Variants in VPS13B observed in about 807,000 individuals in gnomAD.
The protein encoded by VPS13B is intermembrane lipid transfer protein VPS13B.
A neutral mutation model predicts 426.4 loss-of-function variants in VPS13B; 285 were observed. That is an observed-to-expected ratio of 0.67 (90% CI 0.61 to 0.74). VPS13B has a LOEUF of 0.74. Among genes scored for constraint, VPS13B ranks in the 30% least tolerant of loss-of-function variants. The pLI is 0.00. For missense variants in VPS13B, 4,537 were observed against 4,782.6 expected, an observed-to-expected ratio of 0.95 and a Z score of 1.51; for synonymous variants, 1,676 against 1,676.4, an observed-to-expected ratio of 1.00 and a Z score of 0.01.
intron 35 of VPS13B, among the ~76,000 whole-genome samples, chr8:99,692,159 C>A (rs967718643): frequency 6.9e-6 from 1 of 145,254 alleles, no homozygotes; most frequent in Non-Finnish European, 1.5e-5. Context: ...ACAAGGATAC[C>A]CAGGAATTGA....
At chr8:99,628,954 G>A (rs1032346085) in intron 33 of VPS13B, among the ~76,000 whole-genome samples, 1 of 151,836 alleles carries the variant, frequency 6.6e-6, no homozygotes, top group Non-Finnish European at 1.5e-5. Flanking sequence ...TTGTAGTGAC[G>A]GGATCATGCT....
chr8:99,790,777 G>A (rs1251266857), intron 43 of VPS13B, among the ~76,000 whole-genome samples: 1 of 152,170 alleles, frequency 6.6e-6, no homozygotes, highest in Non-Finnish European at 1.5e-5. Flanking sequence ...AGTGAAGTGA[G>A]GGTGGAGGCG....
At chr8:99,204,466 T>G (rs1230148865) in intron 17 of VPS13B, among the ~76,000 whole-genome samples, 2 of 152,092 alleles carry the variant, frequency 1.3e-5, no homozygotes, top group African/African-American at 4.8e-5. Context: ...CTTTGTGACT[T>G]AAACACCAAA....
chr8:99,317,601 CCTT>C (rs1563665432), intron 19 of VPS13B, among the ~76,000 whole-genome samples: 1 of 152,054 alleles, frequency 6.6e-6, no homozygotes, highest in Non-Finnish European at 1.5e-5. Flanking sequence ...GGTAACCATT[CCTT>C]CTTCTCAGTC....
intron 25 of VPS13B, among the ~76,000 whole-genome samples, chr8:99,492,148 A>G (rs1427145702): frequency 6.6e-6 from 1 of 152,184 alleles, no homozygotes; most frequent in Non-Finnish European, 1.5e-5. Context: ...TGGAATTTAC[A>G]GGAGTTCTAC....
chr8:99,518,120 T>C (rs1822185497), intron 29 of VPS13B, among the ~76,000 whole-genome samples: 1 of 152,144 alleles, frequency 6.6e-6, no homozygotes, highest in Admixed American at 6.5e-5. Context: ...TGGCTTTGTA[T>C]GTAACACCAA....
Position 99,842,319 on chromosome 8 carries a change from T to C in VPS13B, c.9943-6457T>C, listed in dbSNP as rs112832620. On this transcript the variant is annotated intron_variant, in intron 54 of 61. Transcript: ENST00000357162. The stretch of plus-strand genomic sequence containing the variant: ...TATCTGCAACTTAAATGTTCAAAAG[T>C]AGGGAGACTAGGTGCAATGGCTTAT... 1.6e-3 allele frequency among the ~76,000 whole-genome samples: 242 copies of C among 152,100 alleles called. 3 individuals carry two copies. Among genetic ancestry groups the C allele is most frequent in the African/African-American group, 5.7e-3 (236 of 41,496 alleles).
At chr8:99,065,060 A>G (rs1844408973) in intron 3 of VPS13B, among the ~76,000 whole-genome samples, 1 of 152,214 alleles carries the variant, frequency 6.6e-6, no homozygotes, top group Non-Finnish European at 1.5e-5. Context: ...GCAAATGCTG[A>G]GAGATTTTGT....
At chr8:99,364,576 A>G (rs1034299850) in intron 19 of VPS13B, among the ~76,000 whole-genome samples, 4 of 151,952 alleles carry the variant, frequency 2.6e-5, no homozygotes, top group Non-Finnish European at 5.9e-5. Flanking sequence ...GGGACTACAG[A>G]CATGTGCTAC....
intron 25 of VPS13B, among the ~76,000 whole-genome samples, chr8:99,492,160 C>G (rs554430903): frequency 1.3e-5 from 2 of 152,278 alleles, no homozygotes; most frequent in Admixed American, 1.3e-4. Context: ...GAGTTCTACT[C>G]CAGACCCTGT....
chr8:99,231,592 A>G (rs1816325688), intron 17 of VPS13B, among the ~76,000 whole-genome samples: 1 of 152,208 alleles, frequency 6.6e-6, no homozygotes, highest in Non-Finnish European at 1.5e-5. Context: ...TTGTTGCACA[A>G]TTGGACTCTC....
In VPS13B at chr8:99,817,746, C is replaced by T. The variant is rs1464962948; in HGVS notation, c.8304C>T (p.Asp2768=). 1.2e-6 allele frequency: 2 copies of T among 1,614,060 alleles called. No homozygotes were observed. Among genetic ancestry groups the T allele is most frequent in the East Asian group, 2.2e-5 (1 of 44,850 alleles). Residue 2768 remains aspartate, a synonymous_variant, in exon 45 of 62, where the codon GAC becomes GAT. Coordinates refer to ENST00000357162, the MANE Select transcript of VPS13B (RefSeq NM_152564.5). ...GTGTGAAGGCCAAAGGAGATGAAGA[C>T]TGGTCAAGAGATGTGTGCCTGGAAT... is the stretch of plus-strand genomic sequence containing the variant. ...ELCVKAKGDE[D]WSRDVCLESK...
chr8:99,647,507 A>G (rs1476813384), intron 34 of VPS13B, among the ~76,000 whole-genome samples: 1 of 147,692 alleles, frequency 6.8e-6, no homozygotes, highest in Admixed American at 6.8e-5. Flanking sequence ...TGAACCTGGG[A>G]GGCAGAGGTT....
At chr8:99,577,431 A>C (rs1463402181) in intron 32 of VPS13B, 59 bp from the exon 33 acceptor site, 1 of 1,607,710 alleles carries the variant, frequency 6.2e-7, no homozygotes, top group African/African-American at 1.3e-5. Flanking sequence ...TAAGAATGAT[A>C]AATTATCATC....
chr8:99,297,834 A>G (rs1293232776), intron 19 of VPS13B, among the ~76,000 whole-genome samples: 1 of 152,172 alleles, frequency 6.6e-6, no homozygotes, highest in East Asian at 1.9e-4. Flanking sequence ...ATGCCACTAA[A>G]TACAGTTTTT....
At chr8:99,185,575 G>T (rs779301995) in intron 16 of VPS13B, among the ~76,000 whole-genome samples, 10 of 152,078 alleles carry the variant, frequency 6.6e-5, no homozygotes, top group Non-Finnish European at 1.3e-4. Flanking sequence ...CCAGTTTGTA[G>T]GTTCAAACTT....
At chr8:99,245,327 A>G (rs539756315) in intron 17 of VPS13B, among the ~76,000 whole-genome samples, 19 of 152,306 alleles carry the variant, frequency 1.2e-4, no homozygotes, top group African/African-American at 3.6e-4. Flanking sequence ...TAAAGCTTCA[A>G]TAAACTTTAG....
At chr8:99,595,659 G>T (rs995647093) in intron 33 of VPS13B, among the ~76,000 whole-genome samples, 4 of 151,780 alleles carry the variant, frequency 2.6e-5, no homozygotes, top group African/African-American at 9.7e-5. Flanking sequence ...ATGCTTCAAA[G>T]GACATCACCC....
chr8:99,798,178 G>A (rs975775134), intron 43 of VPS13B, among the ~76,000 whole-genome samples: 3 of 147,824 alleles, frequency 2.0e-5, no homozygotes, highest in African/African-American at 5.0e-5. Context: ...CCGTCCAGCC[G>A]CCATCAACTG....
Sources: gnomAD v4.1 joint callset for allele counts (sites outside exome capture counted in the v4.1 genomes callset) on GRCh38, gnomAD v4.1.1 for gene constraint, MANE v1.5 for transcripts, NCBI Gene and HGNC (gene_info 2026-07-23, HGNC 2026-07-21) for gene names.